STAM: variants seen among roughly 807,000 people sequenced by gnomAD.
STAM encodes signal transducing adapter molecule 1.
A neutral mutation model predicts 63.4 loss-of-function variants in STAM; 16 were observed. The ratio of observed to expected loss-of-function variants is 0.25; its 90% CI spans 0.17 to 0.38. The LOEUF is 0.38. STAM is among the 10% of genes least tolerant of loss of function. The pLI is 1.00. For missense variants in STAM, 636 were observed against 657.1 expected (o/e 0.97, Z 0.35); for synonymous variants, 238 against 223.9 (o/e 1.06, Z -0.56).
chr10:17,659,772 G>GT (rs1228402444), intron 1 of STAM, among the ~76,000 whole-genome samples: 5 of 151,654 alleles, frequency 3.3e-5, no homozygotes, highest in African/African-American at 9.7e-5. Flanking sequence ...CTCTAATGCT[G>GT]TTTTTTTCTT....
intron 2 of STAM, among the ~76,000 whole-genome samples, chr10:17,666,648 T>C (rs930465643): frequency 9.2e-5 from 14 of 152,136 alleles, no homozygotes; most frequent in African/African-American, 2.7e-4. Flanking sequence ...CTGCCCGCCT[T>C]GGCCTCCCAA....
chr10:17,686,201 AAG>A (rs1835286581), intron 4 of STAM, among the ~76,000 whole-genome samples: 1 of 152,162 alleles, frequency 6.6e-6, no homozygotes, highest in Non-Finnish European at 1.5e-5. Flanking sequence ...ACTGTTTATG[AAG>A]AGATTCTAAT....
Position 17,704,655 on chromosome 10 carries a change from T to A in STAM, c.1000+137T>A, listed in dbSNP as rs1323225339. ...TCTCCTTGACCCAGGCTCACTCTCA[T>A]ATGCAGTTGAAACCTTGGGTAGAAT... On this transcript the variant is annotated intron_variant, in intron 10 of 13. Transcript: ENST00000377524. 1.9e-5 allele frequency: 14 copies of A among 737,656 alleles called. No homozygotes were observed. The East Asian group carries it at 3.7e-4, about 20-fold the overall frequency. The allele number at this position is 737,656 out of a possible 1,614,324, so 45.7% of individuals were successfully genotyped here.
intron 1 of STAM, among the ~76,000 whole-genome samples, chr10:17,656,036 T>A (rs923865105): frequency 1.3e-5 from 2 of 152,138 alleles, no homozygotes; most frequent in Non-Finnish European, 2.9e-5. Flanking sequence ...TCCTCACGCC[T>A]GCAATCCCAG....
rs565023649 is a variant in STAM at position 17,716,068 on chromosome 10, C to T, written c.*1288C>T. ...ATGAATGCTTTTCTTTTAATTCATG[C>T]GAAAAATGTTTTCCACTGACATTGT... On this transcript the variant is annotated 3_prime_UTR_variant, in exon 14 of 14. Coordinates refer to ENST00000377524, the MANE Select transcript of STAM (RefSeq NM_003473.4). 5.9e-5 allele frequency among the ~76,000 whole-genome samples: 9 copies of T among 152,136 alleles called. No individual in the cohort carries two copies. Among genetic ancestry groups the T allele is most frequent in the African/African-American group, 1.7e-4 (7 of 41,534 alleles).
intron 1 of STAM, among the ~76,000 whole-genome samples, chr10:17,646,555 A>G (rs1479059204): frequency 6.6e-6 from 1 of 152,194 alleles, no homozygotes; most frequent in East Asian, 1.9e-4. Context: ...TTGAGTTGAG[A>G]ATGTGTCAGT....
intron 12 of STAM, 67 bp downstream of exon 12, chr10:17,705,808 C>T (rs1836238198): frequency 6.7e-7 from 1 of 1,492,126 alleles, no homozygotes; most frequent in African/African-American, 1.4e-5. Context: ...TAGCTCATGC[C>T]TGTAATCTCA....
chr10:17,660,737 G>A lies in STAM; in HGVS notation c.125+189G>A, dbSNP rs556930442. Among the ~76,000 whole-genome samples the A allele has an allele frequency of 2.0e-5, 3 of 152,184 alleles. No homozygotes were observed. In the East Asian group the frequency reaches 5.8e-4, roughly 29 times the overall value. On this transcript the variant is annotated intron_variant, in intron 2 of 13. Coordinates refer to ENST00000377524, the MANE Select transcript of STAM (RefSeq NM_003473.4). Reference sequence around the variant, plus strand: ...ATGAACAGCCAATGTACACGAGTCAGGGCAACATAGTGAGACCCCGTCTCT... The same window carrying A: ...ATGAACAGCCAATGTACACGAGTCAAGGCAACATAGTGAGACCCCGTCTCT...
At chr10:17,689,974 T>C (rs1450216467) in intron 5 of STAM, among the ~76,000 whole-genome samples, 1 of 152,250 alleles carries the variant, frequency 6.6e-6, no homozygotes, top group Non-Finnish European at 1.5e-5. Flanking sequence ...GGACTTACTC[T>C]TGTAAGAAAA....
At chr10:17,687,302 C>T (rs1554826188) in intron 4 of STAM, among the ~76,000 whole-genome samples, 1 of 152,068 alleles carries the variant, frequency 6.6e-6, no homozygotes, top group Non-Finnish European at 1.5e-5. Context: ...TGGTAAAACC[C>T]CGCGTCTGCT....
rs534642759 is a variant in STAM, at chr10:17,693,146, T to C, written c.445-76T>C. On this transcript the variant is annotated intron_variant, in intron 5 of 13. Transcript: ENST00000377524. ...TGTGCTAGATTGATGAGAAAGGTTT[T>C]GCAAATTCTTAGGGTGGGTGAGAGG... 12 of 1,308,340 alleles carry C rather than the reference T, an allele frequency of 9.2e-6. No individual in the cohort carries two copies. In the African/African-American group the frequency reaches 1.6e-4, roughly 18 times the overall value. 81.0% of individuals were successfully genotyped at this position (1,308,340 alleles called of 1,614,324 possible). A position where few individuals can be genotyped will look rare whatever the true frequency, so the allele number is the denominator to read the frequency against.
intron 7 of STAM, among the ~76,000 whole-genome samples, chr10:17,695,506 A>G (rs1554827371): frequency 6.6e-6 from 1 of 152,232 alleles, no homozygotes; most frequent in African/African-American, 2.4e-5. Flanking sequence ...CTAATAATAT[A>G]GATGGTTACA....
At position 17,695,059 on chromosome 10, in the gene STAM, G is replaced by A. The variant is rs1564560952; in HGVS notation, c.546G>A (p.Leu182=). ...EEEDLAKAIE[L]SLKEQRQQST... ...CTCATTGTTTTCTAGCCATTGAGTTGTCTCTCAAGGAACAAAGGCAGCAGT... is the reference window on the plus strand; with the variant it reads ...CTCATTGTTTTCTAGCCATTGAGTTATCTCTCAAGGAACAAAGGCAGCAGT... The change falls in exon 7 of 14, where the codon TTG becomes TTA. Residue 182 remains leucine, a synonymous_variant. Transcript: ENST00000377524. 3 of 1,613,460 alleles carry A rather than the reference G, an allele frequency of 1.9e-6. No individual in the cohort carries two copies. The highest frequency in any genetic ancestry group is 2.5e-6 in the Non-Finnish European group (3 of 1,179,708).
At chr10:17,662,267 C>T (rs891014795) in intron 2 of STAM, among the ~76,000 whole-genome samples, 1 of 152,178 alleles carries the variant, frequency 6.6e-6, no homozygotes, top group African/African-American at 2.4e-5. Flanking sequence ...AGTTCCAGTG[C>T]TTTTTTTCTA....
chr10:17,662,079 AT>A (rs371763125), intron 2 of STAM, among the ~76,000 whole-genome samples: 1 of 151,598 alleles, frequency 6.6e-6, no homozygotes, highest in Non-Finnish European at 1.5e-5. Context: ...ACCCACTGGC[AT>A]TTTTTTTCTG....
chr10:17,644,261 A>G lies in STAM; in HGVS notation c.-79A>G. ...TCTCTGTTGCTCTTTTTGCCTGAGG[A>G]GTCTTCCATCCTACGTCGAGCTCTG... On this transcript the variant is annotated 5_prime_UTR_variant, in exon 1 of 14. Transcript: ENST00000377524. 6.6e-7 allele frequency: 1 copy of G among 1,503,986 alleles called. No individual in the cohort carries two copies. Among genetic ancestry groups the G allele is most frequent in the Non-Finnish European group, 9.2e-7 (1 of 1,082,090 alleles). The allele number at this position is 1,503,986 out of a possible 1,614,324, so 93.2% of individuals were successfully genotyped here.
intron 2 of STAM, among the ~76,000 whole-genome samples, chr10:17,675,426 C>T (rs528535467): frequency 6.6e-6 from 1 of 151,806 alleles, no homozygotes; most frequent in East Asian, 1.9e-4. Flanking sequence ...ATTGCTTGAA[C>T]CCGGGAAGTG....
At position 17,644,156 on chromosome 10, in the gene STAM, C is replaced by G. The variant is rs550319800; in HGVS notation, c.-184C>G. 1.6e-6 allele frequency: 1 copy of G among 643,152 alleles called. No individual in the cohort carries two copies. Among genetic ancestry groups the G allele is most frequent in the African/African-American group, 1.8e-5 (1 of 54,842 alleles). The allele number at this position is 643,152 out of a possible 1,614,324, so 39.8% of individuals were successfully genotyped here. On this transcript the variant is annotated 5_prime_UTR_variant, in exon 1 of 14. Coordinates refer to ENST00000377524, the MANE Select transcript of STAM (RefSeq NM_003473.4). Reference sequence around the variant, plus strand: ...GCGCGGGGGCTTCCTCGGCTCCTTGCTGTTGCCGCCGCCGCAGCTGCTGCC... The same window carrying G: ...GCGCGGGGGCTTCCTCGGCTCCTTGGTGTTGCCGCCGCCGCAGCTGCTGCC...
chr10:17,697,844 A>G (rs567746333), intron 8 of STAM, among the ~76,000 whole-genome samples: 105 of 152,236 alleles, frequency 6.9e-4, no homozygotes, highest in African/African-American at 2.5e-3. Context: ...AAAATATCTC[A>G]TTATCGTTTT....
Sources: allele counts gnomAD v4.1 joint callset (sites outside exome capture counted in the v4.1 genomes callset), GRCh38; gene constraint gnomAD v4.1.1; transcripts MANE v1.5; gene names NCBI Gene and HGNC (gene_info 2026-07-23, HGNC 2026-07-21).